Variants in LRP1B observed in about 807,000 individuals in gnomAD.
The protein encoded by LRP1B is low-density lipoprotein receptor-related protein 1B.
Under a neutral mutation model 556.6 loss-of-function variants are expected in LRP1B, and 217 were observed. The observed-to-expected ratio is 0.39, with a 90% CI of 0.35 to 0.44. LRP1B has a LOEUF of 0.44. Ranked by LOEUF, LRP1B falls within the 20% of genes least tolerant of loss-of-function variation. The pLI is 1.00. For synonymous variants in LRP1B, 2,047 were observed against 1,865.8 expected, an observed-to-expected ratio of 1.10 and a Z score of -2.50; for missense variants, 5,053 against 5,620.8, an observed-to-expected ratio of 0.90 and a Z score of 3.23.
chr2:140,784,498 G>C (rs1290087686), intron 32 of LRP1B, among the ~76,000 whole-genome samples: 1 of 150,030 alleles, frequency 6.7e-6, no homozygotes, highest in Non-Finnish European at 1.5e-5. Flanking sequence ...AATTTCTGAT[G>C]ATCTCTTTAG....
chr2:141,314,056 C>A (rs1004252843), intron 3 of LRP1B, among the ~76,000 whole-genome samples: 5 of 152,130 alleles, frequency 3.3e-5, no homozygotes, highest in Non-Finnish European at 7.4e-5. Context: ...CACACTGATA[C>A]TTTTCTCAAC....
intron 1 of LRP1B, among the ~76,000 whole-genome samples, chr2:142,015,991 C>CAAAAAAAAAAAAAAAAAAAAA (rs70994471): frequency 7.7e-5 from 3 of 38,796 alleles, no homozygotes; most frequent in African/African-American, 2.1e-4. Context: ...GACTCCATCT[C>CAAAAAAAAAAAAAAAAAAAAA]AAAAAAAAAA....
chr2:141,243,694 G>A (rs529485238), intron 5 of LRP1B, among the ~76,000 whole-genome samples: 4 of 152,120 alleles, frequency 2.6e-5, no homozygotes, highest in South Asian at 4.1e-4. Flanking sequence ...AAAACACATA[G>A]TATCAAGTAT....
At chr2:140,836,279 G>A (rs947116906) in intron 31 of LRP1B, among the ~76,000 whole-genome samples, 6 of 152,122 alleles carry the variant, frequency 3.9e-5, no homozygotes, top group African/African-American at 1.4e-4. Flanking sequence ...GTATAGATAT[G>A]CAACTGTGCC....
intron 29 of LRP1B, among the ~76,000 whole-genome samples, chr2:140,849,277 G>A (rs1436915854): frequency 6.7e-6 from 1 of 150,122 alleles, no homozygotes; most frequent in African/African-American, 2.5e-5. Context: ...AGAGGCTGAG[G>A]CAGAGAATTG....
At chr2:141,390,534 G>A (rs1484611846) in intron 3 of LRP1B, among the ~76,000 whole-genome samples, 1 of 152,178 alleles carries the variant, frequency 6.6e-6, no homozygotes, top group African/African-American at 2.4e-5. Flanking sequence ...TAAAAAGTCT[G>A]GATGTTCTTC....
At chr2:140,713,541 T>C (rs938034813) in intron 37 of LRP1B, among the ~76,000 whole-genome samples, 4 of 152,010 alleles carry the variant, frequency 2.6e-5, no homozygotes, top group African/African-American at 9.7e-5. Flanking sequence ...TTAGCTTCTG[T>C]ATGTTGTTTG....
At position 141,609,308 on chromosome 2, in the gene LRP1B, G is replaced by A. The variant is rs549827893; in HGVS notation, c.206-128775C>T. On this transcript the variant is annotated intron_variant, in intron 2 of 90. Coordinates refer to ENST00000389484, the MANE Select transcript of LRP1B (RefSeq NM_018557.3). The stretch of plus-strand genomic sequence containing the variant: ...CTTTTAAGACAGTAATGTGAGGACT[G>A]CTCTCCAAAGAAAACATGGGTCATG... Among the ~76,000 whole-genome samples the A allele has an allele frequency of 7.2e-5, 11 of 152,270 alleles. No homozygotes were observed. In the South Asian group the frequency reaches 2.1e-3, roughly 29 times the overall value.
At chr2:140,883,158 G>A (rs1693526386) in intron 25 of LRP1B, among the ~76,000 whole-genome samples, 1 of 152,120 alleles carries the variant, frequency 6.6e-6, no homozygotes, top group Non-Finnish European at 1.5e-5. Flanking sequence ...GGCAGGAACG[G>A]GAACCCATAT....
intron 71 of LRP1B, among the ~76,000 whole-genome samples, chr2:140,367,435 G>A (rs1453596685): frequency 6.6e-6 from 1 of 151,704 alleles, no homozygotes; most frequent in South Asian, 2.1e-4. Context: ...GGCAAGAGCT[G>A]GGTGAATCCA....
chr2:140,465,075 G>T (rs1469243082), intron 60 of LRP1B, among the ~76,000 whole-genome samples: 1 of 152,106 alleles, frequency 6.6e-6, no homozygotes, highest in Non-Finnish European at 1.5e-5. Context: ...TTTACAAGCA[G>T]CATGGTGCTG....
chr2:140,430,938 T>G (rs1285939968), intron 66 of LRP1B, among the ~76,000 whole-genome samples: 1 of 152,182 alleles, frequency 6.6e-6, no homozygotes, highest in Non-Finnish European at 1.5e-5. Flanking sequence ...TCACATGCCC[T>G]GAGTCAGAAA....
chr2:140,272,258 AACACACACACACACAC>A (rs10654741), intron 85 of LRP1B, among the ~76,000 whole-genome samples: 4 of 149,432 alleles, frequency 2.7e-5, no homozygotes, highest in Non-Finnish European at 4.5e-5. Flanking sequence ...TGCACACACA[AACACACACACACACAC>A]ACACACACAC....
At chr2:140,271,441 G>A (rs1558761332) in intron 85 of LRP1B, among the ~76,000 whole-genome samples, 1 of 151,918 alleles carries the variant, frequency 6.6e-6, no homozygotes, top group Non-Finnish European at 1.5e-5. Flanking sequence ...CTGTCATAGG[G>A]TGATTCCTAA....
intron 2 of LRP1B, among the ~76,000 whole-genome samples, chr2:141,750,578 C>A (rs1018549893): frequency 2.0e-5 from 3 of 152,070 alleles, no homozygotes; most frequent in African/African-American, 7.2e-5. Flanking sequence ...AAAGAAAAAA[C>A]AAAAAGAAAA....
intron 47 of LRP1B, among the ~76,000 whole-genome samples, chr2:140,532,084 T>A (rs933391672): frequency 1.3e-5 from 2 of 152,100 alleles, no homozygotes; most frequent in South Asian, 4.1e-4. Context: ...TCTCTACCTA[T>A]CTACATGCCT....
At chr2:141,658,701 C>T (rs1255910385) in intron 2 of LRP1B, among the ~76,000 whole-genome samples, 1 of 152,146 alleles carries the variant, frequency 6.6e-6, no homozygotes, top group Non-Finnish European at 1.5e-5. Context: ...TACTGGGATT[C>T]ACATTTTTCA....
Position 141,414,215 on chromosome 2 carries a change from C to T in LRP1B, c.343+66181G>A, listed in dbSNP as rs369503443. On this transcript the variant is annotated intron_variant, in intron 3 of 90. Coordinates refer to ENST00000389484, the MANE Select transcript of LRP1B (RefSeq NM_018557.3). ...TAGCGCCACTGCACTCCAGCCTGGGCGACAAGAGTGAGACTCTATCTCAAA... is the reference window on the plus strand; with the variant it reads ...TAGCGCCACTGCACTCCAGCCTGGGTGACAAGAGTGAGACTCTATCTCAAA... 2.0e-3 allele frequency among the ~76,000 whole-genome samples: 244 copies of T among 122,252 alleles called. 9 individuals are homozygous for T. The East Asian group carries it at 0.041, about 21-fold the overall frequency. The allele number at this position is 122,252 out of a possible 152,430, so 80.2% of individuals were successfully genotyped here. A position where few individuals can be genotyped will look rare whatever the true frequency, so the allele number is the denominator to read the frequency against.
intron 3 of LRP1B, among the ~76,000 whole-genome samples, chr2:141,444,961 T>A (rs759601430): frequency 2.6e-5 from 4 of 151,838 alleles, no homozygotes; most frequent in Non-Finnish European, 4.4e-5. Context: ...TAGGGAGGAG[T>A]CCCTCTTTTT....
Sources: allele counts gnomAD v4.1 joint callset (sites outside exome capture counted in the v4.1 genomes callset), GRCh38; gene constraint gnomAD v4.1.1; transcripts MANE v1.5; gene names NCBI Gene and HGNC (gene_info 2026-07-23, HGNC 2026-07-21).